The following PSD3 variants were observed in gnomAD, a reference collection of about 807,000 sequenced individuals.
PSD3 encodes the protein PH and SEC7 domain-containing protein 3.
In PSD3, 49 loss-of-function variants were observed where a neutral mutation model predicts 105.5. The observed-to-expected ratio is 0.46, with a 90% CI of 0.37 to 0.59. The LOEUF (loss-of-function observed/expected upper bound fraction) is 0.59. Ranked by LOEUF, PSD3 falls within the 20% of genes least tolerant of loss-of-function variation. The probability of loss-of-function intolerance (pLI) is 0.00; values close to 1 mark genes in which losing one functional copy is unlikely to be tolerated. For missense variants in PSD3, 1,561 were observed against 1,263.8 expected, an observed-to-expected ratio of 1.24 and a Z score of -3.57; for synonymous variants, 557 against 457.8, an observed-to-expected ratio of 1.22 and a Z score of -2.77.
intron 1 of PSD3, among the ~76,000 whole-genome samples, chr8:19,006,301 A>C (rs1235287608): frequency 6.6e-6 from 1 of 151,066 alleles, no homozygotes; most frequent in East Asian, 1.9e-4. Context: ...TCTCAAAAAA[A>C]AAAAAAAAAA....
chr8:18,534,831 A>G lies in PSD3; in HGVS notation c.*912T>C, dbSNP rs1354232619. ...CGCACACACACGCACGCACACACAC[A>G]TATGTAGAGTAAGAAAAATCTATTC... is the stretch of plus-strand genomic sequence containing the variant. On this transcript the variant is annotated 3_prime_UTR_variant, in exon 16 of 16. Coordinates refer to ENST00000327040, the MANE Select transcript of PSD3 (RefSeq NM_015310.4). 2 of 152,564 alleles carry G rather than the reference A, an allele frequency of 1.3e-5. No individual in the cohort carries two copies. The highest frequency in any genetic ancestry group is 2.9e-5 in the Non-Finnish European group (2 of 68,044). 9.5% of individuals were successfully genotyped at this position (152,564 alleles called of 1,614,324 possible). A position where few individuals can be genotyped will look rare whatever the true frequency, so the allele number is the denominator to read the frequency against.
chr8:18,972,891 AG>A (rs1824732191), intron 1 of PSD3, among the ~76,000 whole-genome samples: 1 of 152,244 alleles, frequency 6.6e-6, no homozygotes, highest in Non-Finnish European at 1.5e-5. Context: ...CTGGGCAAGT[AG>A]GTAGGCTGGC....
intron 8 of PSD3, among the ~76,000 whole-genome samples, chr8:18,796,437 C>T (rs560469460): frequency 2.2e-4 from 34 of 152,148 alleles, no homozygotes; most frequent in African/African-American, 7.9e-4. Context: ...AGGAGGCACA[C>T]GCATGCTATA....
In PSD3 at chr8:18,871,833, A is replaced by C; in HGVS notation, c.1031T>G (p.Leu344Arg). 2 of 1,614,220 alleles carry C rather than the reference A, an allele frequency of 1.2e-6. No individual in the cohort carries two copies. The highest frequency in any genetic ancestry group is 1.7e-6 in the Non-Finnish European group (2 of 1,180,024). Reference sequence around the variant, plus strand: ...ATTACACAAACCAGCTGATGAGATGAGATGGCGTGGCACTTTGGAAGACTC... The same window carrying C: ...ATTACACAAACCAGCTGATGAGATGCGATGGCGTGGCACTTTGGAAGACTC... ...SKESSKVPRH[L>R]ISSAGLCNSS... The change falls in exon 3 of 16, where the codon CTC (leucine) becomes CGC (arginine). Residue 344 changes from leucine (L) to arginine (R), a missense_variant. Leu to Arg is a moderately radical substitution (Grantham distance 102). Transcript: ENST00000327040.
intron 1 of PSD3, among the ~76,000 whole-genome samples, chr8:18,984,808 T>G (rs548385547): frequency 5.3e-5 from 8 of 152,350 alleles, no homozygotes; most frequent in Admixed American, 3.3e-4. Context: ...ACGGCCAAGC[T>G]GCAGTGCACA....
chr8:18,830,841 A>C (rs141641142), intron 4 of PSD3, among the ~76,000 whole-genome samples: 1 of 152,194 alleles, frequency 6.6e-6, no homozygotes, highest in African/African-American at 2.4e-5. Flanking sequence ...TAAACCATCT[A>C]TGAGAACAGA....
chr8:18,796,234 TC>T (rs1288195381), intron 8 of PSD3, among the ~76,000 whole-genome samples: 1 of 152,070 alleles, frequency 6.6e-6, no homozygotes, highest in Non-Finnish European at 1.5e-5. Flanking sequence ...TTTAACATGA[TC>T]CAACATGAAA....
chr8:18,930,145 C>T lies in PSD3; in HGVS notation c.130+5889G>A, dbSNP rs117024571. 9.0e-3 allele frequency among the ~76,000 whole-genome samples: 1,369 copies of T among 152,142 alleles called. 13 individuals carry two copies. The highest frequency in any genetic ancestry group is 0.012 in the Non-Finnish European group (836 of 67,990). ...ATGACTGAAAGGGCTCCACAGGCACCATACAGCAAGAACACAAGACTCACA... is the reference window on the plus strand; with the variant it reads ...ATGACTGAAAGGGCTCCACAGGCACTATACAGCAAGAACACAAGACTCACA... On this transcript the variant is annotated intron_variant, in intron 2 of 15. Transcript: ENST00000327040.
chr8:19,073,164 C>T (rs755044215), intron 1 of PSD3, among the ~76,000 whole-genome samples: 1 of 151,814 alleles, frequency 6.6e-6, no homozygotes, highest in Non-Finnish European at 1.5e-5. Context: ...CCATAAGGCA[C>T]AGACTGTTCC....
chr8:18,843,913 CTATT>C (rs769116834), intron 4 of PSD3, among the ~76,000 whole-genome samples: 1 of 121,768 alleles, frequency 8.2e-6, no homozygotes, highest in Non-Finnish European at 1.7e-5. Context: ...ATAAGATAGA[CTATT>C]TTTTTTTTTT....
intron 1 of PSD3, among the ~76,000 whole-genome samples, chr8:18,991,677 C>T (rs982543367): frequency 1.3e-5 from 2 of 152,154 alleles, no homozygotes; most frequent in Non-Finnish European, 2.9e-5. Context: ...CATTTTAATG[C>T]TTGTTTCAAT....
At chr8:18,559,421 T>C (rs535929353) in intron 14 of PSD3, among the ~76,000 whole-genome samples, 2 of 152,312 alleles carry the variant, frequency 1.3e-5, no homozygotes, top group African/African-American at 2.4e-5. Context: ...TGTGGATTAC[T>C]GGACCCATTT....
At chr8:18,647,949 G>C (rs1034899277) in intron 10 of PSD3, among the ~76,000 whole-genome samples, 2 of 152,120 alleles carry the variant, frequency 1.3e-5, no homozygotes, top group African/African-American at 4.8e-5. Flanking sequence ...GTGATTTAAA[G>C]TTTCCCGAGG....
chr8:18,819,116 G>A (rs552050060), intron 4 of PSD3, among the ~76,000 whole-genome samples: 1 of 152,246 alleles, frequency 6.6e-6, no homozygotes, highest in East Asian at 1.9e-4. Flanking sequence ...CTGGTACCCA[G>A]AGACAGAACT....
At chr8:18,829,760 T>C (rs1813530035) in intron 4 of PSD3, among the ~76,000 whole-genome samples, 1 of 152,112 alleles carries the variant, frequency 6.6e-6, no homozygotes, top group African/African-American at 2.4e-5. Flanking sequence ...TCTTTAACTG[T>C]CTTGAAATAA....
intron 9 of PSD3, among the ~76,000 whole-genome samples, chr8:18,735,466 A>AG (rs1395378228): frequency 6.6e-6 from 1 of 152,172 alleles, no homozygotes; most frequent in African/African-American, 2.4e-5. Context: ...TAAGATTCCC[A>AG]GGGGATAGGA....
chr8:18,865,772 T>C (rs1168017590), intron 4 of PSD3, among the ~76,000 whole-genome samples: 2 of 152,152 alleles, frequency 1.3e-5, no homozygotes, highest in African/African-American at 4.8e-5. Context: ...ATCTCCTGGT[T>C]TGACAATGCA....
chr8:18,675,191 CTG>C (rs897610236), intron 9 of PSD3, among the ~76,000 whole-genome samples: 2 of 152,018 alleles, frequency 1.3e-5, no homozygotes, highest in African/African-American at 2.4e-5. Context: ...TAGAAGAAAA[CTG>C]TAATGAAAAA....
At chr8:18,626,070 C>G (rs867126413) in intron 11 of PSD3, among the ~76,000 whole-genome samples, 4 of 151,998 alleles carry the variant, frequency 2.6e-5, no homozygotes, top group African/African-American at 9.7e-5. Context: ...AAAGCTTTCC[C>G]TTAATGTCAG....
Sources: gnomAD v4.1 joint callset for allele counts (sites outside exome capture counted in the v4.1 genomes callset) on GRCh38, gnomAD v4.1.1 for gene constraint, MANE v1.5 for transcripts, NCBI Gene and HGNC (gene_info 2026-07-23, HGNC 2026-07-21) for gene names.